The following CALHM5 variants were observed in gnomAD, a reference collection of about 807,000 sequenced individuals.
CALHM5 encodes calcium homeostasis modulator protein 5.
A neutral mutation model predicts 20.9 loss-of-function variants in CALHM5; 17 were observed. The ratio of observed to expected loss-of-function variants is 0.82; its 90% CI spans 0.56 to 1.22. The LOEUF is 1.22. Ranked by LOEUF, CALHM5 falls within the 50% of genes most tolerant of loss-of-function variation. The pLI, the probability that CALHM5 is intolerant of heterozygous loss-of-function variation, is 0.00. For missense variants in CALHM5, 360 were observed against 364.6 expected, an observed-to-expected ratio of 0.99 and a Z score of 0.10; for synonymous variants, 148 against 140.0, an observed-to-expected ratio of 1.06 and a Z score of -0.40.
Position 116,516,010 on chromosome 6 carries a change from C to T in CALHM5, c.*21C>T, listed in dbSNP as rs1054255608. On this transcript the variant is annotated 3_prime_UTR_variant, in exon 2 of 2. Coordinates refer to ENST00000368599, the MANE Select transcript of CALHM5 (RefSeq NM_153711.5). Reference sequence around the variant, plus strand: ...TGTAGCTCATCCACCATCAATGACTCATGGTGTTGAGTGGCATGCTCATTC... The same window carrying T: ...TGTAGCTCATCCACCATCAATGACTTATGGTGTTGAGTGGCATGCTCATTC... 2 of 1,564,700 alleles carry T rather than the reference C, an allele frequency of 1.3e-6. No homozygotes were observed. The highest frequency in any genetic ancestry group is 1.7e-6 in the Non-Finnish European group (2 of 1,151,358).
rs1772234405 is a variant in CALHM5 at position 116,516,698 on chromosome 6, TATATATATATAC to T, written c.*711_*722del. ...ATATATATATATATATATATATATA[TATATATATATAC>T]ACACACACAGAAATATATATTTATA... On this transcript the variant is annotated 3_prime_UTR_variant, in exon 2 of 2. Coordinates refer to ENST00000368599, the MANE Select transcript of CALHM5 (RefSeq NM_153711.5). 2 of 133,102 alleles carry T rather than the reference TATATATATATAC, an allele frequency of 1.5e-5. No individual in the cohort carries two copies. The highest frequency in any genetic ancestry group is 1.5e-5 in the Non-Finnish European group (1 of 65,464). The allele number at this position is 133,102 out of a possible 1,614,324, so 8.2% of individuals were successfully genotyped here.
At chr6:116,512,844 T>C (rs2250263) in intron 1 of CALHM5, among the ~76,000 whole-genome samples, 100,705 of 152,062 alleles carry the variant, frequency 0.66, 33,623 homozygotes, top group East Asian at 0.89. Flanking sequence ...AAAAAGTGAC[T>C]GTACTCTCTA....
rs1400138988 is a variant in CALHM5, at chr6:116,516,759, T to A, written c.*770T>A. On this transcript the variant is annotated 3_prime_UTR_variant, in exon 2 of 2. Coordinates refer to ENST00000368599, the MANE Select transcript of CALHM5 (RefSeq NM_153711.5). ...TAACTGCATTGATAAAAGGTGAATA[T>A]ATTAGCATTTTCTTCAACCTAAAAG... is the stretch of plus-strand genomic sequence containing the variant. 1 of 149,644 alleles carries A rather than the reference T, an allele frequency of 6.7e-6. No individual in the cohort carries two copies. Among genetic ancestry groups the A allele is most frequent in the Non-Finnish European group, 1.5e-5 (1 of 67,634 alleles). 9.3% of individuals were successfully genotyped at this position (149,644 alleles called of 1,614,324 possible).
intron 1 of CALHM5, among the ~76,000 whole-genome samples, chr6:116,515,126 C>G (rs1307544074): frequency 6.6e-6 from 1 of 152,128 alleles, no homozygotes; most frequent in African/African-American, 2.4e-5. Flanking sequence ...CGTCTGTCTC[C>G]CTTTTCCATG....
Position 116,518,180 on chromosome 6 carries a change from TGTGA to T in CALHM5, c.*2194_*2197del, listed in dbSNP as rs1193966423. On this transcript the variant is annotated 3_prime_UTR_variant, in exon 2 of 2. Transcript: ENST00000368599. ...CTTTGTAGCCACGTCAGATAGAAGATGTGAGTAACTTTGGAACCTACTGCTTGTG... is the reference window on the plus strand; with the variant it reads ...CTTTGTAGCCACGTCAGATAGAAGATGTAACTTTGGAACCTACTGCTTGTG... 1 of 152,196 alleles carries T rather than the reference TGTGA, an allele frequency of 6.6e-6. No individual in the cohort carries two copies. The highest frequency in any genetic ancestry group is 2.4e-5 in the African/African-American group (1 of 41,440). 9.4% of individuals were successfully genotyped at this position (152,196 alleles called of 1,614,324 possible). A position where few individuals can be genotyped will look rare whatever the true frequency, so the allele number is the denominator to read the frequency against.
At chr6:116,512,299 C>CT in intron 1 of CALHM5, 63 bp downstream of exon 1, 1 of 1,496,520 alleles carries the variant, frequency 6.7e-7, no homozygotes, top group Non-Finnish European at 9.0e-7. Context: ...CTCTGTGCTC[C>CT]TTTCAGCCAG....
rs1772127364 is a variant in CALHM5, at chr6:116,511,865, G to A, written c.169G>A (p.Ala57Thr). ...GACCTATGGGCTGGTTTTCCTCTTT[G>A]CTCCTGCCTGGGTGTTACTGATCCT... ...NMTYGLVFLFAPAWVLLILGF... is the reference protein window; with the variant it reads ...NMTYGLVFLFTPAWVLLILGF... The change falls in exon 1 of 2, where the codon GCT becomes ACT. Residue 57 changes from alanine to threonine, a missense_variant. Physicochemically the swap from Ala to Thr is moderately conservative, Grantham distance 58. Transcript: ENST00000368599. 4 of 1,613,902 alleles carry A rather than the reference G, an allele frequency of 2.5e-6. No homozygotes were observed. The highest frequency in any genetic ancestry group is 3.4e-6 in the Non-Finnish European group (4 of 1,180,004).
Position 116,521,386 on chromosome 6 carries a change from C to A in CALHM5, c.*5397C>A, listed in dbSNP as rs532208919. On this transcript the variant is annotated 3_prime_UTR_variant, in exon 2 of 2. Transcript: ENST00000368599. ...CTGAGAACCAGGGGAGTTGATGGTA[C>A]AAATCCCAGAGCCAAAGGCAAAGGA... The A allele has an allele frequency of 6.6e-6, 1 of 152,090 alleles. No homozygotes were observed. The highest frequency in any genetic ancestry group is 1.5e-5 in the Non-Finnish European group (1 of 68,020). The allele number at this position is 152,090 out of a possible 1,614,324, so 9.4% of individuals were successfully genotyped here.
rs1772251497 is a variant in CALHM5, at chr6:116,517,496, GT to G, written c.*1508del. The G allele has an allele frequency of 6.6e-6, 1 of 152,096 alleles. No individual in the cohort carries two copies. The highest frequency in any genetic ancestry group is 2.4e-5 in the African/African-American group (1 of 41,402). 9.4% of individuals were successfully genotyped at this position (152,096 alleles called of 1,614,324 possible). A position where few individuals can be genotyped will look rare whatever the true frequency, so the allele number is the denominator to read the frequency against. ...GTGCTGTGGCTCATACCTTACAGTG[GT>G]AGTCTATGTCTCTTAGTTTGAGAAA... On this transcript the variant is annotated 3_prime_UTR_variant, in exon 2 of 2. Transcript: ENST00000368599.
In CALHM5 at chr6:116,522,780, T is replaced by C. The variant is rs957891650; in HGVS notation, c.*6791T>C. ...TTGTTCTTCTAGTCGTCTCTCAAAA[T>C]GTTATCTTCAGACTGTCAACATCAG... is the stretch of plus-strand genomic sequence containing the variant. On this transcript the variant is annotated 3_prime_UTR_variant, in exon 2 of 2. Transcript: ENST00000368599. 2 of 152,144 alleles carry C rather than the reference T, an allele frequency of 1.3e-5. No individual in the cohort carries two copies. Among genetic ancestry groups the C allele is most frequent in the Non-Finnish European group, 2.9e-5 (2 of 68,032 alleles). The allele number at this position is 152,144 out of a possible 1,614,324, so 9.4% of individuals were successfully genotyped here. A position where few individuals can be genotyped will look rare whatever the true frequency, so the allele number is the denominator to read the frequency against.
intron 1 of CALHM5, among the ~76,000 whole-genome samples, chr6:116,515,027 A>G (rs550875467): frequency 1.4e-4 from 22 of 152,222 alleles, no homozygotes; most frequent in Non-Finnish European, 2.9e-4. Flanking sequence ...CTAATTACCA[A>G]AAATCAAGAC....
chr6:116,515,860 G>C lies in CALHM5; in HGVS notation c.801G>C (p.Glu267Asp). 2 of 1,613,974 alleles carry C rather than the reference G, an allele frequency of 1.2e-6. No individual in the cohort carries two copies. The highest frequency in any genetic ancestry group is 1.7e-5 in the Admixed American group (1 of 59,964). ...PTFAAWEAAS[E>D]LHSFHQSQQH... The stretch of plus-strand genomic sequence containing the variant: ...TTGCTGCCTGGGAGGCTGCTTCAGA[G>C]CTGCATTCTTTCCACCAAAGCCAGC... The change falls in exon 2 of 2, where the codon GAG becomes GAC. Residue 267 changes from glutamate (E) to aspartate (D), a missense_variant. Coordinates refer to ENST00000368599, the MANE Select transcript of CALHM5 (RefSeq NM_153711.5).
At position 116,512,057 on chromosome 6, in the gene CALHM5, A is replaced by G. The variant is rs777937710; in HGVS notation, c.361A>G (p.Asn121Asp). 3 of 1,613,864 alleles carry G rather than the reference A, an allele frequency of 1.9e-6. No homozygotes were observed. The highest frequency in any genetic ancestry group is 2.5e-6 in the Non-Finnish European group (3 of 1,179,980). Residue 121 changes from asparagine (N) to aspartate (D), a missense_variant, in exon 1 of 2, where the codon AAT becomes GAT. Asn to Asp is a conservative substitution (Grantham distance 23, BLOSUM62 1). Coordinates refer to ENST00000368599, the MANE Select transcript of CALHM5 (RefSeq NM_153711.5). ...PVMWLSVALL[N>D]GTFYECAMSG... ...GATGTGGCTTTCTGTGGCTCTGCTC[A>G]ATGGAACTTTCTATGAATGTGCCAT...
At position 116,517,247 on chromosome 6, in the gene CALHM5, G is replaced by A. The variant is rs1772246655; in HGVS notation, c.*1258G>A. 1 of 152,140 alleles carries A rather than the reference G, an allele frequency of 6.6e-6. No individual in the cohort carries two copies. Among genetic ancestry groups the A allele is most frequent in the Non-Finnish European group, 1.5e-5 (1 of 68,054 alleles). The allele number at this position is 152,140 out of a possible 1,614,324, so 9.4% of individuals were successfully genotyped here. On this transcript the variant is annotated 3_prime_UTR_variant, in exon 2 of 2. Transcript: ENST00000368599. ...GGGAGACACAAACATTCAGACTATA[G>A]TAGGGTAAATTGACCTTGGCTAAAG... is the stretch of plus-strand genomic sequence containing the variant.
In CALHM5 at chr6:116,521,143, A is replaced by T. The variant is rs574036526; in HGVS notation, c.*5154A>T. Reference sequence around the variant, plus strand: ...ATATATGCTACATATATGAAAGGGGATTTCTTGTGGGAATATATATTATAT... The same window carrying T: ...ATATATGCTACATATATGAAAGGGGTTTTCTTGTGGGAATATATATTATAT... On this transcript the variant is annotated 3_prime_UTR_variant, in exon 2 of 2. Coordinates refer to ENST00000368599, the MANE Select transcript of CALHM5 (RefSeq NM_153711.5). 1 of 151,780 alleles carries T rather than the reference A, an allele frequency of 6.6e-6. No individual in the cohort carries two copies. Among genetic ancestry groups the T allele is most frequent in the Non-Finnish European group, 1.5e-5 (1 of 67,988 alleles). The allele number at this position is 151,780 out of a possible 1,614,324, so 9.4% of individuals were successfully genotyped here. A position where few individuals can be genotyped will look rare whatever the true frequency, so the allele number is the denominator to read the frequency against.
At position 116,519,125 on chromosome 6, in the gene CALHM5, C is replaced by T. The variant is rs1772284339; in HGVS notation, c.*3136C>T. 6.6e-6 allele frequency: 1 copy of T among 152,230 alleles called. No homozygotes were observed. The highest frequency in any genetic ancestry group is 2.1e-4 in the South Asian group (1 of 4,830). The allele number at this position is 152,230 out of a possible 1,614,324, so 9.4% of individuals were successfully genotyped here. A position where few individuals can be genotyped will look rare whatever the true frequency, so the allele number is the denominator to read the frequency against. ...GATGAACTGGCTTTGATAGCAGAGA[C>T]TTTAAAATGTGTGGACCATTAGTTG... On this transcript the variant is annotated 3_prime_UTR_variant, in exon 2 of 2. Transcript: ENST00000368599.
At position 116,515,722 on chromosome 6, in the gene CALHM5, G is replaced by T. The variant is rs751645617; in HGVS notation, c.663G>T (p.Lys221Asn). 6.2e-7 allele frequency: 1 copy of T among 1,614,026 alleles called. No homozygotes were observed. The highest frequency in any genetic ancestry group is 1.7e-5 in the Admixed American group (1 of 59,988). The part of the protein sequence containing the change: ...QLSFWKTYAQ[K>N]EKEQLENTFL... ...GTTTTTGGAAGACATATGCACAAAAGGAGAAGGAGCAGTTGGAAAATACAT... is the reference window on the plus strand; with the variant it reads ...GTTTTTGGAAGACATATGCACAAAATGAGAAGGAGCAGTTGGAAAATACAT... The change falls in exon 2 of 2, where the codon AAG becomes AAT. Residue 221 changes from lysine (K) to asparagine (N), a missense_variant. By Grantham distance (94) the Lys-to-Asn change is moderately conservative. Coordinates refer to ENST00000368599, the MANE Select transcript of CALHM5 (RefSeq NM_153711.5).
intron 1 of CALHM5, among the ~76,000 whole-genome samples, chr6:116,512,838 A>AG (rs1168150766): frequency 6.6e-6 from 1 of 152,202 alleles, no homozygotes; most frequent in Non-Finnish European, 1.5e-5. Context: ...TCTGTGAAAA[A>AG]GTGACTGTAC....
At position 116,511,980 on chromosome 6, in the gene CALHM5, G is replaced by C; in HGVS notation, c.284G>C (p.Arg95Pro). Residue 95 changes from arginine (R) to proline (P), a missense_variant, in exon 1 of 2, where the codon CGT becomes CCT. Transcript: ENST00000368599. ...RKIFPRGHSC[R>P]FFYVLGQITL... Reference sequence around the variant, plus strand: ...ATCTTTCCCAGAGGCCACAGCTGCCGTTTCTTCTACGTCCTCGGCCAGATC... The same window carrying C: ...ATCTTTCCCAGAGGCCACAGCTGCCCTTTCTTCTACGTCCTCGGCCAGATC... 1 of 1,614,016 alleles carries C rather than the reference G, an allele frequency of 6.2e-7. No individual in the cohort carries two copies. Among genetic ancestry groups the C allele is most frequent in the South Asian group, 1.1e-5 (1 of 91,084 alleles).
Sources: gnomAD v4.1 joint callset for allele counts (sites outside exome capture counted in the v4.1 genomes callset) on GRCh38, gnomAD v4.1.1 for gene constraint, MANE v1.5 for transcripts, NCBI Gene and HGNC (gene_info 2026-07-23, HGNC 2026-07-21) for gene names.